The following CUX2 variants were observed in gnomAD, a reference collection of about 807,000 sequenced individuals.
CUX2 encodes the protein homeobox protein cut-like 2.
Under a neutral mutation model 144.8 loss-of-function variants are expected in CUX2, and 40 were observed. The observed-to-expected ratio is 0.28, with a 90% CI of 0.21 to 0.36. The LOEUF (loss-of-function observed/expected upper bound fraction) is 0.36, where lower values mean the gene tolerates loss of function less well. Among genes scored for constraint, CUX2 ranks in the 10% least tolerant of loss-of-function variants. CUX2 has a pLI of 1.00. For synonymous variants in CUX2, 827 were observed against 875.6 expected (o/e 0.94, Z 0.98); for missense variants, 1,615 against 1,994.0 (o/e 0.81, Z 3.62).
chr12:111,269,852 A>G (rs944967156), intron 4 of CUX2, among the ~76,000 whole-genome samples: 2 of 152,094 alleles, frequency 1.3e-5, no homozygotes, highest in African/African-American at 4.8e-5. Context: ...TGACTCCAGG[A>G]GTCTGATTTC....
intron 9 of CUX2, among the ~76,000 whole-genome samples, chr12:111,302,584 C>T (rs1337714463): frequency 6.6e-6 from 1 of 152,108 alleles, no homozygotes; most frequent in Non-Finnish European, 1.5e-5. Context: ...TGCTTCCTTC[C>T]AGGTAGAAAT....
chr12:111,150,906 C>T (rs1877010938), intron 1 of CUX2, among the ~76,000 whole-genome samples: 1 of 151,468 alleles, frequency 6.6e-6, no homozygotes, highest in African/African-American at 2.4e-5. Context: ...GGGAAGGAAA[C>T]CCCCCCAGCC....
chr12:111,158,784 C>T (rs1022260341), intron 1 of CUX2, among the ~76,000 whole-genome samples: 1 of 152,092 alleles, frequency 6.6e-6, no homozygotes, highest in Non-Finnish European at 1.5e-5. Context: ...GATACGAGGG[C>T]AGTCTGTGAT....
At chr12:111,228,415 G>GGTGT (rs369288212) in intron 3 of CUX2, among the ~76,000 whole-genome samples, 1 of 151,430 alleles carries the variant, frequency 6.6e-6, no homozygotes, top group African/African-American at 2.4e-5. Flanking sequence ...TGAAAACTAT[G>GGTGT]GTGTGTGTGT....
chr12:111,163,840 G>T (rs1877943267), intron 1 of CUX2, among the ~76,000 whole-genome samples: 1 of 152,162 alleles, frequency 6.6e-6, no homozygotes, highest in Non-Finnish European at 1.5e-5. Flanking sequence ...CTTGCCAGGG[G>T]TCAAGTTACC....
intron 3 of CUX2, among the ~76,000 whole-genome samples, chr12:111,243,731 C>T (rs1419103974): frequency 3.3e-5 from 5 of 151,908 alleles, no homozygotes; most frequent in East Asian, 1.9e-4. Flanking sequence ...GAGGGGTTCC[C>T]GGCAAGCAGA....
rs530464487 is a variant in CUX2, at chr12:111,178,711, T to A, written c.64-35489T>A. Among the ~76,000 whole-genome samples, 2 of 152,296 alleles carry A rather than the reference T, an allele frequency of 1.3e-5. No individual in the cohort carries two copies. Among genetic ancestry groups the A allele is most frequent in the South Asian group, 4.1e-4 (2 of 4,826 alleles). ...AGGTGAACAAGACCGAGTCAGGGTT[T>A]AATGAGGGAGATGGACATTTATGGG... On this transcript the variant is annotated intron_variant, in intron 1 of 21. Coordinates refer to ENST00000261726, the MANE Select transcript of CUX2 (RefSeq NM_015267.4). The surrounding 1 kb of genome is among the most constrained non-coding windows in gnomAD (Gnocchi z 5.7).
At chr12:111,175,877 C>T (rs544751721) in intron 1 of CUX2, among the ~76,000 whole-genome samples, 3 of 151,486 alleles carry the variant, frequency 2.0e-5, no homozygotes, top group South Asian at 4.2e-4. Flanking sequence ...ACATGAGAGA[C>T]GGCTGAACTG....
chr12:111,111,326 T>C (rs1873943277), intron 1 of CUX2, among the ~76,000 whole-genome samples: 2 of 151,858 alleles, frequency 1.3e-5, no homozygotes, highest in Non-Finnish European at 2.9e-5. Flanking sequence ...AGAGAGACAA[T>C]GGCTTTGAAC....
Position 111,289,138 on chromosome 12 carries a change from G to A in CUX2, c.302-2280G>A, listed in dbSNP as rs1885547485. 6.6e-6 allele frequency among the ~76,000 whole-genome samples: 1 copy of A among 151,874 alleles called. No individual in the cohort carries two copies. Among genetic ancestry groups the A allele is most frequent in the Non-Finnish European group, 1.5e-5 (1 of 67,956 alleles). On this transcript the variant is annotated intron_variant, in intron 4 of 21. Coordinates refer to ENST00000261726, the MANE Select transcript of CUX2 (RefSeq NM_015267.4). The surrounding 1 kb of genome is among the most constrained non-coding windows in gnomAD (Gnocchi z 4.1). ...ATTCTGTCTCAAAAAAAGAAAAAAGGAAAAAAGAAAATTCTGGGGGAGAGA... is the reference window on the plus strand; with the variant it reads ...ATTCTGTCTCAAAAAAAGAAAAAAGAAAAAAAGAAAATTCTGGGGGAGAGA...
chr12:111,330,716 T>C (rs11065869), intron 18 of CUX2, among the ~76,000 whole-genome samples: 2,161 of 36,044 alleles, frequency 0.06, 94 homozygotes, highest in East Asian at 0.32. Flanking sequence ...TATATATATA[T>C]ATATATATAT....
intron 10 of CUX2, among the ~76,000 whole-genome samples, chr12:111,305,367 G>A (rs1886521706): frequency 6.6e-6 from 1 of 152,156 alleles, no homozygotes; most frequent in Non-Finnish European, 1.5e-5. Context: ...TACAGGCCCA[G>A]GTGTCTATGT....
At position 111,057,101 on chromosome 12, in the gene CUX2, G is replaced by C. The variant is rs796325416; in HGVS notation, c.63+22861G>C. Among the ~76,000 whole-genome samples, 7 of 152,232 alleles carry C rather than the reference G, an allele frequency of 4.6e-5. No homozygotes were observed. Among genetic ancestry groups the C allele is most frequent in the African/African-American group, 1.7e-4 (7 of 41,526 alleles). Reference sequence around the variant, plus strand: ...GACAGGAAGTGGCCAAGTAGGGAGTGAGTGTGACAGAAAATGGCCAAGCTG... The same window carrying C: ...GACAGGAAGTGGCCAAGTAGGGAGTCAGTGTGACAGAAAATGGCCAAGCTG... On this transcript the variant is annotated intron_variant, in intron 1 of 21. Coordinates refer to ENST00000261726, the MANE Select transcript of CUX2 (RefSeq NM_015267.4). The surrounding 1 kb of genome is among the most constrained non-coding windows in gnomAD (Gnocchi z 5.1).
chr12:111,049,395 C>T (rs1870157966), intron 1 of CUX2, among the ~76,000 whole-genome samples: 1 of 152,190 alleles, frequency 6.6e-6, no homozygotes, highest in Non-Finnish European at 1.5e-5. Flanking sequence ...ACTCAGCCAA[C>T]ACTAGGAATG....
chr12:111,046,932 C>T lies in CUX2; in HGVS notation c.63+12692C>T, dbSNP rs1160532075. On this transcript the variant is annotated intron_variant, in intron 1 of 21. Transcript: ENST00000261726. ...TCGGCCTCCCACAGTGCTGGGATTGCAGGCGTGAGCCACCACGCCCGGCCC... is the reference window on the plus strand; with the variant it reads ...TCGGCCTCCCACAGTGCTGGGATTGTAGGCGTGAGCCACCACGCCCGGCCC... Among the ~76,000 whole-genome samples the T allele has an allele frequency of 2.0e-5, 3 of 152,248 alleles. No homozygotes were observed. In the East Asian group the frequency reaches 5.8e-4, roughly 29 times the overall value.
intron 1 of CUX2, among the ~76,000 whole-genome samples, chr12:111,044,248 C>T (rs1428943848): frequency 2.0e-5 from 3 of 152,112 alleles, no homozygotes; most frequent in Non-Finnish European, 2.9e-5. Flanking sequence ...GTGTAGGAGA[C>T]GCTCCGTTGA....
chr12:111,179,838 C>A (rs892539677), intron 1 of CUX2, among the ~76,000 whole-genome samples: 3 of 152,126 alleles, frequency 2.0e-5, no homozygotes, highest in Non-Finnish European at 2.9e-5. Flanking sequence ...CACCATGCCA[C>A]CATGCCCAGC....
At chr12:111,282,120 G>A (rs1885140164) in intron 4 of CUX2, among the ~76,000 whole-genome samples, 1 of 152,038 alleles carries the variant, frequency 6.6e-6, no homozygotes, top group Non-Finnish European at 1.5e-5. Context: ...AGGAGATGGA[G>A]ACCATCCTGG....
chr12:111,210,371 G>A (rs1881152268), intron 1 of CUX2, among the ~76,000 whole-genome samples: 1 of 151,900 alleles, frequency 6.6e-6, no homozygotes, highest in Non-Finnish European at 1.5e-5. Flanking sequence ...AGTAACATTT[G>A]GCAATACTCT....
Sources: allele counts gnomAD v4.1 joint callset (sites outside exome capture counted in the v4.1 genomes callset), GRCh38; gene constraint gnomAD v4.1.1; non-coding constraint Gnocchi (gnomAD v3.1); transcripts MANE v1.5; gene names NCBI Gene and HGNC (gene_info 2026-07-23, HGNC 2026-07-21).